ITGA6: variants seen among roughly 807,000 people sequenced by gnomAD.
The protein encoded by ITGA6 is integrin subunit alpha 6.
A neutral mutation model predicts 133.6 loss-of-function variants in ITGA6; 63 were observed. That is an observed-to-expected ratio of 0.47 (90% CI 0.38 to 0.58). The LOEUF (loss-of-function observed/expected upper bound fraction) is 0.58. ITGA6 is among the 20% of genes least tolerant of loss of function. The pLI, the probability that ITGA6 is intolerant of heterozygous loss-of-function variation, is 0.00. For missense variants in ITGA6, 1,068 were observed against 1,309.4 expected (o/e 0.82, Z 2.85); for synonymous variants, 434 against 482.0 (o/e 0.90, Z 1.30).
At chr2:172,455,080 G>C (rs542374197) in intron 1 of ITGA6, among the ~76,000 whole-genome samples, 1 of 152,220 alleles carries the variant, frequency 6.6e-6, no homozygotes, top group Non-Finnish European at 1.5e-5. Context: ...TGAGACCTGG[G>C]TTGGCCTGTG....
intron 20 of ITGA6, 199 bp from the exon 21 acceptor site, chr2:172,490,825 T>C: frequency 1.9e-6 from 1 of 537,740 alleles, no homozygotes; most frequent in East Asian, 3.4e-5. Context: ...CTTAGTCCTA[T>C]GAGTAAATCA....
chr2:172,435,700 C>T (rs1303230791), intron 1 of ITGA6, among the ~76,000 whole-genome samples: 1 of 143,678 alleles, frequency 7.0e-6, no homozygotes, highest in Non-Finnish European at 1.5e-5. Context: ...GATTTCAGCT[C>T]ACTGCAGCCT....
intron 1 of ITGA6, among the ~76,000 whole-genome samples, chr2:172,440,501 C>T (rs140569773): frequency 6.8e-4 from 104 of 152,260 alleles, no homozygotes; most frequent in African/African-American, 1.9e-3. Flanking sequence ...GATGTTGTTT[C>T]ATATTATGAG....
At chr2:172,504,025 C>T in intron 25 of ITGA6, 66 bp from the exon 26 acceptor site, 1 of 1,254,434 alleles carries the variant, frequency 8.0e-7, no homozygotes, top group Non-Finnish European at 1.1e-6. Flanking sequence ...CTTAGACATT[C>T]CCATTTAGTG....
intron 1 of ITGA6, among the ~76,000 whole-genome samples, chr2:172,456,077 G>A (rs75745863): frequency 0.015 from 2,318 of 152,326 alleles, 60 homozygotes; most frequent in African/African-American, 0.053. Flanking sequence ...GTTTGCTGAG[G>A]GCAGCCAGGA....
intron 5 of ITGA6, among the ~76,000 whole-genome samples, chr2:172,473,129 C>T (rs547338534): frequency 3.9e-5 from 6 of 152,226 alleles, no homozygotes; most frequent in South Asian, 2.1e-4. Context: ...AGAACTGCAA[C>T]GGTAGTGGTG....
intron 1 of ITGA6, among the ~76,000 whole-genome samples, chr2:172,447,850 C>CTCCTTCAGCTCAAAGTCTTTA (rs1329172744): frequency 7.0e-6 from 1 of 143,168 alleles, no homozygotes; most frequent in Non-Finnish European, 1.5e-5. Flanking sequence ...ACATTTTTTC[C>CTCCTTCAGCTCAAAGTCTTTA]CCCGGTACGT....
chr2:172,490,734 A>G (rs747990550), intron 20 of ITGA6: 1 of 362,832 alleles, frequency 2.8e-6, no homozygotes, highest in Non-Finnish European at 5.2e-6. Context: ...CAGTATGCCC[A>G]CAGTTTGGTG....
chr2:172,479,970 A>G lies in ITGA6; in HGVS notation c.1488-20A>G, dbSNP rs747803999. The G allele has an allele frequency of 2.6e-6, 4 of 1,535,946 alleles. No individual in the cohort carries two copies. The African/African-American group carries it at 5.5e-5, about 21-fold the overall frequency. On this transcript the variant is annotated intron_variant, in intron 10 of 25. Transcript: ENST00000684293. The stretch of plus-strand genomic sequence containing the variant: ...TGCAATAATGGATCTTTTAAGAAAT[A>G]TGTGTTTGATTTTATTCAGCCTCCA...
chr2:172,429,748 C>T (rs1684032281), intron 1 of ITGA6, among the ~76,000 whole-genome samples: 2 of 152,146 alleles, frequency 1.3e-5, no homozygotes, highest in South Asian at 4.1e-4. Context: ...TAGCAGCTGA[C>T]AGAGGGGAGA....
At chr2:172,465,263 G>A in intron 1 of ITGA6, 1 of 517,510 alleles carries the variant, frequency 1.9e-6, no homozygotes, top group Non-Finnish European at 3.5e-6. Flanking sequence ...TTAAACACCA[G>A]ATCATACCCA....
At chr2:172,428,085 C>T (rs1453694003) in intron 1 of ITGA6, 115 bp downstream of exon 1, 5 of 1,060,160 alleles carry the variant, frequency 4.7e-6, no homozygotes, top group Non-Finnish European at 3.7e-6. Flanking sequence ...TGGGTCGCGC[C>T]CGGGCCGGCC....
At position 172,491,294 on chromosome 2, in the gene ITGA6, T is replaced by C. The variant is rs537546700; in HGVS notation, c.2852T>C (p.Ile951Thr). Residue 951 changes from isoleucine to threonine, a missense_variant, in exon 22 of 26, where the codon ATT (isoleucine) becomes ACT (threonine). Physicochemically the swap from Ile to Thr is moderately conservative, Grantham distance 89 (BLOSUM62 -1). Coordinates refer to ENST00000684293, the MANE Select transcript of ITGA6 (RefSeq NM_000210.4). The surrounding 1 kb of genome is among the most constrained non-coding windows in gnomAD (Gnocchi z 4.4). ...LRGLDSKASLILRSRLWNSTF... is the reference protein window; with the variant it reads ...LRGLDSKASLTLRSRLWNSTF... Reference sequence around the variant, plus strand: ...GGGCTGGACAGCAAGGCGTCTCTTATTTTGCGCTCGAGGTTATGGAACAGC... The same window carrying C: ...GGGCTGGACAGCAAGGCGTCTCTTACTTTGCGCTCGAGGTTATGGAACAGC... 1.7e-5 allele frequency: 27 copies of C among 1,612,828 alleles called. No individual in the cohort carries two copies. In the African/African-American group the frequency reaches 3.5e-4, roughly 21 times the overall value.
At chr2:172,465,962 A>T (rs1685652716) in intron 2 of ITGA6, 1 of 479,374 alleles carries the variant, frequency 2.1e-6, no homozygotes, top group African/African-American at 2.0e-5. Context: ...AACTCATTTC[A>T]TAGCAATGAA....
upstream of ITGA6, chr2:172,427,484 G>A (rs1683886748): frequency 9.2e-7 from 1 of 1,085,754 alleles, no homozygotes. Flanking sequence ...AGGTGCGGGC[G>A]GTGCGCCGGG....
intron 17 of ITGA6, 23 bp downstream of exon 17, chr2:172,487,830 C>A: frequency 6.5e-7 from 1 of 1,548,336 alleles, no homozygotes; most frequent in Non-Finnish European, 8.9e-7. Flanking sequence ...TCAACCTCTC[C>A]ATTCAGAATT....
At chr2:172,463,598 T>C (rs2149033221) in intron 1 of ITGA6, among the ~76,000 whole-genome samples, 1 of 152,286 alleles carries the variant, frequency 6.6e-6, no homozygotes, top group South Asian at 2.1e-4. Flanking sequence ...AAGATAATTT[T>C]TGTCATGGCC....
chr2:172,476,601 C>A, intron 9 of ITGA6, 88 bp downstream of exon 9: 1 of 813,664 alleles, frequency 1.2e-6, no homozygotes, highest in Non-Finnish European at 2.2e-6. Context: ...TTTGTCATAC[C>A]TATACTTCAA....
Position 172,441,549 on chromosome 2 carries a change from G to C in ITGA6, c.182+13579G>C, listed in dbSNP as rs577643298. ...CCAGCCTGGGTAACAGAGTGGAGAC[G>C]CTGTCTCTTTAAAAAAAAAAAAAAA... On this transcript the variant is annotated intron_variant, in intron 1 of 25. Transcript: ENST00000684293. Among the ~76,000 whole-genome samples, 4 of 107,344 alleles carry C rather than the reference G, an allele frequency of 3.7e-5. No homozygotes were observed. The Admixed American group carries it at 4.9e-4, about 13-fold the overall frequency. The allele number at this position is 107,344 out of a possible 152,430, so 70.4% of individuals were successfully genotyped here.
Sources: gnomAD v4.1 joint callset for allele counts (sites outside exome capture counted in the v4.1 genomes callset) on GRCh38, gnomAD v4.1.1 for gene constraint, Gnocchi (gnomAD v3.1) non-coding constraint, MANE v1.5 for transcripts, NCBI Gene and HGNC (gene_info 2026-07-23, HGNC 2026-07-21) for gene names.